Variants in CA3 observed in about 807,000 individuals in gnomAD.
CA3 encodes the protein CA-III.
CA3 carries 30 observed loss-of-function variants against 35.7 expected under a neutral mutation model. That is an observed-to-expected ratio of 0.84 (90% CI 0.63 to 1.14). The LOEUF (loss-of-function observed/expected upper bound fraction) is 1.14, where lower values mean the gene tolerates loss of function less well. Ranked by LOEUF, CA3 falls within the 50% of genes most tolerant of loss-of-function variation. The pLI is 0.00. For synonymous variants in CA3, 131 were observed against 130.8 expected, an observed-to-expected ratio of 1.00 and a Z score of -0.01; for missense variants, 295 against 328.5, an observed-to-expected ratio of 0.90 and a Z score of 0.79.
In CA3 at chr8:85,448,205, T is replaced by C; in HGVS notation, c.*52T>C. 1 of 1,557,848 alleles carries C rather than the reference T, an allele frequency of 6.4e-7. No individual in the cohort carries two copies. The highest frequency in any genetic ancestry group is 8.7e-7 in the Non-Finnish European group (1 of 1,152,672). Reference sequence around the variant, plus strand: ...AAAGGAAACCTACCATTGGAGAGCTTGGTTCCTTGCCTCCTTCTGGTGCTC... The same window carrying C: ...AAAGGAAACCTACCATTGGAGAGCTCGGTTCCTTGCCTCCTTCTGGTGCTC... On this transcript the variant is annotated 3_prime_UTR_variant, in exon 7 of 7. Coordinates refer to ENST00000285381, the MANE Select transcript of CA3 (RefSeq NM_005181.4).
At position 85,448,179 on chromosome 8, in the gene CA3, G is replaced by A; in HGVS notation, c.*26G>A. ...GGCTGCTGGATCTTGCCCTCTTCAG[G>A]AAAGGAAACCTACCATTGGAGAGCT... On this transcript the variant is annotated 3_prime_UTR_variant, in exon 7 of 7. Coordinates refer to ENST00000285381, the MANE Select transcript of CA3 (RefSeq NM_005181.4). 2 of 1,601,652 alleles carry A rather than the reference G, an allele frequency of 1.2e-6. No individual in the cohort carries two copies. The highest frequency in any genetic ancestry group is 2.3e-5 in the East Asian group (1 of 44,442).
rs557692970 is a variant in CA3 at position 85,448,494 on chromosome 8, C to G, written c.*341C>G. 45 of 164,802 alleles carry G rather than the reference C, an allele frequency of 2.7e-4. No homozygotes were observed. The highest frequency in any genetic ancestry group is 8.6e-4 in the East Asian group (5 of 5,820). The allele number at this position is 164,802 out of a possible 1,614,324, so 10.2% of individuals were successfully genotyped here. Reference sequence around the variant, plus strand: ...TATTGGGCACCAGTTTTTCTGTTATCTAAAATTTCACACAACTTCATTGTT... The same window carrying G: ...TATTGGGCACCAGTTTTTCTGTTATGTAAAATTTCACACAACTTCATTGTT... On this transcript the variant is annotated 3_prime_UTR_variant, in exon 7 of 7. Coordinates refer to ENST00000285381, the MANE Select transcript of CA3 (RefSeq NM_005181.4).
At chr8:85,445,035 G>A (rs1436561885) in intron 4 of CA3, 121 bp from the exon 5 acceptor site, 7 of 608,532 alleles carry the variant, frequency 1.2e-5, no homozygotes, top group Non-Finnish European at 2.0e-5. Flanking sequence ...TGCTTAGTAC[G>A]AGATATTCTG....
At chr8:85,446,384 C>G in intron 6 of CA3, 87 bp downstream of exon 6, 2 of 1,438,046 alleles carry the variant, frequency 1.4e-6, no homozygotes, top group South Asian at 2.6e-5. Flanking sequence ...TAGCTACTAA[C>G]TGGATACTCA....
chr8:85,448,236 T>C lies in CA3; in HGVS notation c.*83T>C. On this transcript the variant is annotated 3_prime_UTR_variant, in exon 7 of 7. Coordinates refer to ENST00000285381, the MANE Select transcript of CA3 (RefSeq NM_005181.4). ...CTTGCCTCCTTCTGGTGCTCCTTAC[T>C]CCAAGTCTATTTCATTTTTCCACAC... 1 of 1,387,470 alleles carries C rather than the reference T, an allele frequency of 7.2e-7. No homozygotes were observed. The allele number at this position is 1,387,470 out of a possible 1,614,324, so 85.9% of individuals were successfully genotyped here.
In CA3 at chr8:85,438,943, G is replaced by C. The variant is rs1811168170; in HGVS notation, c.34G>C (p.Gly12Arg). The C allele has an allele frequency of 1.9e-6, 3 of 1,551,196 alleles. No individual in the cohort carries two copies. In the East Asian group the frequency reaches 7.3e-5, roughly 38 times the overall value. The change falls in exon 1 of 7, where the codon GGT becomes CGT. Residue 12 changes from glycine (G) to arginine (R), a missense_variant and splice_region_variant. Physicochemically the swap from Gly to Arg is moderately radical, Grantham distance 125 (BLOSUM62 -2). Coordinates refer to ENST00000285381, the MANE Select transcript of CA3 (RefSeq NM_005181.4). Reference protein sequence around the residue: ...AKEWGYASHNGPDHWHELFPN... With the variant: ...AKEWGYASHNRPDHWHELFPN... ...GGAGTGGGGCTACGCCAGTCACAAC[G>C]GTGAGTGCAGGCAGCCGCGACCCGG...
intron 6 of CA3, among the ~76,000 whole-genome samples, 156 bp downstream of exon 6, chr8:85,446,453 G>A (rs1209868635): frequency 6.6e-6 from 1 of 152,224 alleles, no homozygotes; most frequent in Non-Finnish European, 1.5e-5. Context: ...CAACCAGCCT[G>A]TTCAGCTTTC....
At chr8:85,439,269 T>C (rs1444201483) in intron 1 of CA3, among the ~76,000 whole-genome samples, 3 of 152,166 alleles carry the variant, frequency 2.0e-5, no homozygotes, top group African/African-American at 7.2e-5. Context: ...TCTGTTTTAC[T>C]GGACAAGCAC....
At chr8:85,445,887 A>G (rs574336189) in intron 5 of CA3, among the ~76,000 whole-genome samples, 1 of 152,344 alleles carries the variant, frequency 6.6e-6, no homozygotes, top group East Asian at 1.9e-4. Flanking sequence ...TGATAGAATT[A>G]TCACAGATAG....
At chr8:85,447,939 C>T in intron 6 of CA3, 95 bp from the exon 7 acceptor site, 2 of 1,193,884 alleles carry the variant, frequency 1.7e-6, no homozygotes, top group Non-Finnish European at 1.2e-6. Context: ...AAACCAACAA[C>T]AAAAAAAACC....
At position 85,444,047 on chromosome 8, in the gene CA3, A is replaced by G; in HGVS notation, c.365A>G (p.His122Arg). 3.1e-6 allele frequency: 5 copies of G among 1,611,542 alleles called. No homozygotes were observed. Among genetic ancestry groups the G allele is most frequent in the Non-Finnish European group, 4.2e-6 (5 of 1,177,620 alleles). The change falls in exon 4 of 7, where the codon CAC (histidine) becomes CGC (arginine). Residue 122 changes from histidine to arginine, a missense_variant. Physicochemically the swap from His to Arg is conservative, Grantham distance 29 (BLOSUM62 0). Transcript: ENST00000285381. The stretch of plus-strand genomic sequence containing the variant: ...CTATGGTTTCAGCTTCATTTGGTTC[A>G]CTGGAACCCGAAGTATAACACTTTT... ...VKYAAELHLV[H>R]WNPKYNTFKE... is the part of the protein sequence containing the mutation.
chr8:85,445,715 C>T (rs1375957415), intron 5 of CA3, among the ~76,000 whole-genome samples: 2 of 152,036 alleles, frequency 1.3e-5, no homozygotes, highest in East Asian at 1.9e-4. Context: ...CCGTTCTAAT[C>T]AAATATTATT....
chr8:85,444,209 A>G, intron 4 of CA3, 83 bp downstream of exon 4: 2 of 805,042 alleles, frequency 2.5e-6, no homozygotes, highest in South Asian at 3.0e-5. Context: ...TCATTTCCTC[A>G]TTTTTACCTT....
rs769620974 is a variant in CA3 at position 85,444,115 on chromosome 8, ATTT to A, written c.436_438del (p.Phe146del). The A allele has an allele frequency of 3.1e-6, 5 of 1,608,450 alleles. No individual in the cohort carries two copies. Among genetic ancestry groups the A allele is most frequent in the Non-Finnish European group, 4.3e-6 (5 of 1,174,858 alleles). ...GCGCGATGGGATCGCTGTGATTGGCATTTTTCTGAAGGTAAAGTAAAAATTGAC... is the reference window on the plus strand; with the variant it reads ...GCGCGATGGGATCGCTGTGATTGGCATTCTGAAGGTAAAGTAAAAATTGAC... On this transcript the variant is annotated inframe_deletion, in exon 4 of 7. Transcript: ENST00000285381.
In CA3 at chr8:85,444,091, C is replaced by G. The variant is rs766830102; in HGVS notation, c.409C>G (p.Arg137Gly). 6.2e-7 allele frequency: 1 copy of G among 1,613,232 alleles called. No homozygotes were observed. The highest frequency in any genetic ancestry group is 8.5e-7 in the Non-Finnish European group (1 of 1,179,352). ...YNTFKEALKQ[R>G]DGIAVIGIFL... ...CACTTTTAAAGAAGCCCTGAAGCAGCGCGATGGGATCGCTGTGATTGGCAT... is the reference window on the plus strand; with the variant it reads ...CACTTTTAAAGAAGCCCTGAAGCAGGGCGATGGGATCGCTGTGATTGGCAT... Residue 137 changes from arginine to glycine, a missense_variant, in exon 4 of 7, where the codon CGC (arginine) becomes GGC (glycine). Arg to Gly is a moderately radical substitution (Grantham distance 125). Transcript: ENST00000285381.
At chr8:85,443,687 T>G (rs1585999168) in intron 3 of CA3, among the ~76,000 whole-genome samples, 1 of 152,186 alleles carries the variant, frequency 6.6e-6, no homozygotes, top group Non-Finnish European at 1.5e-5. Flanking sequence ...AATAAAACAT[T>G]TTTTAACTGC....
At chr8:85,442,724 A>T (rs1189649441) in intron 3 of CA3, among the ~76,000 whole-genome samples, 1 of 152,082 alleles carries the variant, frequency 6.6e-6, no homozygotes. Context: ...AAAAAAGAAA[A>T]ACCCTAAAAG....
Position 85,448,891 on chromosome 8 carries a change from G to GCATGATTATTAAAATAAAAACT in CA3, c.*739_*760dup, listed in dbSNP as rs1811331355. 6.6e-6 allele frequency: 1 copy of GCATGATTATTAAAATAAAAACT among 152,072 alleles called. No individual in the cohort carries two copies. Among genetic ancestry groups the GCATGATTATTAAAATAAAAACT allele is most frequent in the East Asian group, 1.9e-4 (1 of 5,180 alleles). The allele number at this position is 152,072 out of a possible 1,614,324, so 9.4% of individuals were successfully genotyped here. ...TTTTAATTTCACTACATTTTTCTTT[G>GCATGATTATTAAAATAAAAACT]CATGATTATTAAAATAAAAACTGCC... On this transcript the variant is annotated 3_prime_UTR_variant, in exon 7 of 7. Coordinates refer to ENST00000285381, the MANE Select transcript of CA3 (RefSeq NM_005181.4).
At position 85,446,174 on chromosome 8, in the gene CA3, A is replaced by G; in HGVS notation, c.540A>G (p.Pro180=). ...AGGCGCCCTTCACAAAGTTTGACCCATCCTGCCTGTTCCCGGCATGCCGGG... is the reference window on the plus strand; with the variant it reads ...AGGCGCCCTTCACAAAGTTTGACCCGTCCTGCCTGTTCCCGGCATGCCGGG... ...GKEAPFTKFD[P]SCLFPACRDY... The change falls in exon 6 of 7, where the codon CCA becomes CCG. Residue 180 remains proline (P), a synonymous_variant. Coordinates refer to ENST00000285381, the MANE Select transcript of CA3 (RefSeq NM_005181.4). 6.2e-7 allele frequency: 1 copy of G among 1,613,350 alleles called. No individual in the cohort carries two copies. The highest frequency in any genetic ancestry group is 2.2e-5 in the East Asian group (1 of 44,864).
Sources: allele counts gnomAD v4.1 joint callset (sites outside exome capture counted in the v4.1 genomes callset), GRCh38; gene constraint gnomAD v4.1.1; transcripts MANE v1.5; gene names NCBI Gene and HGNC (gene_info 2026-07-23, HGNC 2026-07-21).